Variants in ACCSL observed in about 807,000 individuals in gnomAD.
The protein encoded by ACCSL is 1-aminocyclopropane-1-carboxylate synthase homolog (inactive) like, also known as probable inactive 1-aminocyclopropane-1-carboxylate synthase-like protein 2.
Under a neutral mutation model 61.7 loss-of-function variants are expected in ACCSL, and 55 were observed. The observed-to-expected ratio is 0.89, with a 90% confidence interval of 0.72 to 1.12. The LOEUF (loss-of-function observed/expected upper bound fraction) is 1.12. Ranked by LOEUF, ACCSL falls within the 50% of genes most tolerant of loss-of-function variation. ACCSL has a pLI of 0.00. For synonymous variants in ACCSL, 258 were observed against 264.3 expected (o/e 0.98, Z 0.23); for missense variants, 632 against 698.0 (o/e 0.91, Z 1.07).
chr11:43,956,567 G>A, the ACCSL span, among the ~76,000 whole-genome samples: 459 of 152,104 alleles, frequency 3.0e-3, 3 homozygotes, highest in African/African-American at 0.011. Flanking sequence ...CTATAGGCAC[G>A]TGCCACCACA....
chr11:44,045,562 C>G (rs1272325433), upstream of ACCSL, among the ~76,000 whole-genome samples: 1 of 152,180 alleles, frequency 6.6e-6, no homozygotes, highest in African/African-American at 2.4e-5. Flanking sequence ...GGTTCTCATT[C>G]AAACTACTTT....
the ACCSL span, among the ~76,000 whole-genome samples, chr11:44,002,906 AGG>A: frequency 1.2e-4 from 18 of 151,934 alleles, no homozygotes; most frequent in African/African-American, 4.4e-4. Context: ...CCAGGGCTGG[AGG>A]GGTCTGGATG....
chr11:44,033,764 G>A, the ACCSL span, among the ~76,000 whole-genome samples: 3 of 152,254 alleles, frequency 2.0e-5, no homozygotes, highest in East Asian at 1.9e-4. Context: ...ACCTTGTTTG[G>A]GGGGAGAGTA....
chr11:43,943,484 G>T, the ACCSL span: 3 of 1,395,302 alleles, frequency 2.2e-6, no homozygotes, highest in South Asian at 1.2e-5. This position sits in a 1 kb window ranked among gnomAD's most constrained non-coding sequence, Gnocchi z 4.8. Context: ...GAGCGGGGCC[G>T]CTTTCCTCGT....
the ACCSL span, among the ~76,000 whole-genome samples, chr11:44,008,284 GT>G: frequency 6.6e-6 from 1 of 152,212 alleles, no homozygotes; most frequent in African/African-American, 2.4e-5. Context: ...AAATGTGACA[GT>G]TTTTCCCTGG....
At chr11:44,050,495 A>G (rs2134767014) in intron 2 of ACCSL, 57 bp from the exon 3 acceptor site, 2 of 1,497,848 alleles carry the variant, frequency 1.3e-6, no homozygotes, top group Admixed American at 3.4e-5. Flanking sequence ...CTAGGAGTAG[A>G]ATGAGGCCTC....
chr11:43,980,439 T>C, the ACCSL span, among the ~76,000 whole-genome samples: 1 of 152,336 alleles, frequency 6.6e-6, no homozygotes, highest in Non-Finnish European at 1.5e-5. Flanking sequence ...TATCAGTCTT[T>C]AAAAATCATT....
At chr11:44,017,799 T>C in the ACCSL span, among the ~76,000 whole-genome samples, 5 of 150,840 alleles carry the variant, frequency 3.3e-5, no homozygotes, top group East Asian at 5.8e-4. Context: ...GCTTGATCAT[T>C]GATCCATGTT....
At chr11:43,967,174 T>TA in the ACCSL span, among the ~76,000 whole-genome samples, 310 of 91,188 alleles carry the variant, frequency 3.4e-3, 3 homozygotes, top group Non-Finnish European at 5.7e-3. Flanking sequence ...CTTCTTTTTT[T>TA]TTTTTTTTTT....
chr11:44,048,436 G>T lies in ACCSL; in HGVS notation c.400G>T (p.Asp134Tyr). Residue 134 changes from aspartate (D) to tyrosine (Y), a missense_variant, in exon 1 of 14, where the codon GAC (aspartate) becomes TAC (tyrosine). Transcript: ENST00000378832. ...TTGTGAAGCTGCCTTTGTCAACCGC[G>T]ACCTATCCATCCGTGGGATTGACAT... ...SDCEAAFVNR[D>Y]LSIRGIDISV... The T allele has an allele frequency of 6.2e-7, 1 of 1,613,902 alleles. No homozygotes were observed.
chr11:44,036,823 C>T, the ACCSL span, among the ~76,000 whole-genome samples: 11 of 151,456 alleles, frequency 7.3e-5, no homozygotes, highest in Admixed American at 4.6e-4. Context: ...CTGGCATGGA[C>T]GGGCCAGGGT....
chr11:44,037,504 T>G, the ACCSL span, among the ~76,000 whole-genome samples: 1 of 152,234 alleles, frequency 6.6e-6, no homozygotes, highest in African/African-American at 2.4e-5. Context: ...GAGTCTGCAG[T>G]GCTGGCTGGC....
the ACCSL span, among the ~76,000 whole-genome samples, chr11:43,982,626 G>A: frequency 1.1e-4 from 17 of 152,228 alleles, no homozygotes; most frequent in African/African-American, 3.6e-4. Flanking sequence ...TGCTGAGCAC[G>A]TGGCCGAGTC....
chr11:44,049,419 CAAAAAAAAAAA>C (rs33944147), intron 1 of ACCSL, among the ~76,000 whole-genome samples: 1 of 33,916 alleles, frequency 2.9e-5, no homozygotes, highest in African/African-American at 1.1e-4. Context: ...GACCCTGTCT[CAAAAAAAAAAA>C]AAAAAAAAAA....
chr11:44,016,918 A>G, the ACCSL span, among the ~76,000 whole-genome samples: 2 of 152,184 alleles, frequency 1.3e-5, no homozygotes, highest in Admixed American at 6.5e-5. Flanking sequence ...TCTCTTATAG[A>G]GACCCCTCCA....
At chr11:44,017,117 G>A in the ACCSL span, among the ~76,000 whole-genome samples, 1 of 152,116 alleles carries the variant, frequency 6.6e-6, no homozygotes, top group Non-Finnish European at 1.5e-5. Context: ...ACATATGGAA[G>A]CAGCCACCCA....
the ACCSL span, among the ~76,000 whole-genome samples, chr11:43,968,588 A>T: frequency 1.3e-5 from 2 of 152,212 alleles, no homozygotes; most frequent in African/African-American, 4.8e-5. Flanking sequence ...GAGGGATACT[A>T]TCATCTAAAA....
the ACCSL span, among the ~76,000 whole-genome samples, chr11:44,009,578 C>T: frequency 1.3e-5 from 2 of 151,948 alleles, no homozygotes; most frequent in Non-Finnish European, 2.9e-5. Flanking sequence ...CCAGCCTCGG[C>T]GACATAGTGA....
At chr11:44,020,964 CT>C in the ACCSL span, among the ~76,000 whole-genome samples, 1 of 151,860 alleles carries the variant, frequency 6.6e-6, no homozygotes, top group Non-Finnish European at 1.5e-5. Context: ...TATTTCATTC[CT>C]TTTTATGGCT....
Sources: allele counts gnomAD v4.1 joint callset (sites outside exome capture counted in the v4.1 genomes callset), GRCh38; gene constraint gnomAD v4.1.1; non-coding constraint Gnocchi (gnomAD v3.1); transcripts MANE v1.5; gene names NCBI Gene and HGNC (gene_info 2026-07-23, HGNC 2026-07-21).